Variants in SHISA9 observed in about 807,000 individuals in gnomAD.
SHISA9 encodes the protein protein shisa-9.
SHISA9 carries 13 observed loss-of-function variants against 38.0 expected under a neutral mutation model. The observed-to-expected ratio is 0.34, with a 90% CI of 0.22 to 0.54. The LOEUF (loss-of-function observed/expected upper bound fraction) is 0.54. Among genes scored for constraint, SHISA9 ranks in the 20% least tolerant of loss-of-function variants. The pLI is 0.91. For missense variants in SHISA9, 538 were observed against 575.8 expected, an observed-to-expected ratio of 0.93 and a Z score of 0.67; for synonymous variants, 275 against 242.0, an observed-to-expected ratio of 1.14 and a Z score of -1.27.
chr16:13,150,611 A>G (rs1596684093), intron 2 of SHISA9, among the ~76,000 whole-genome samples: 1 of 152,216 alleles, frequency 6.6e-6, no homozygotes, highest in Non-Finnish European at 1.5e-5. Flanking sequence ...GTTGAGATGC[A>G]GAATTTCAGC....
At chr16:13,011,168 C>G (rs559522121) in intron 2 of SHISA9, among the ~76,000 whole-genome samples, 2 of 152,272 alleles carry the variant, frequency 1.3e-5, no homozygotes, top group South Asian at 2.1e-4. Context: ...TGATTTTAGA[C>G]AGTGAACCTT....
chr16:13,470,651 G>C, the SHISA9 span, among the ~76,000 whole-genome samples: 2 of 152,248 alleles, frequency 1.3e-5, no homozygotes, highest in East Asian at 1.9e-4. Flanking sequence ...GGCACATGGG[G>C]ATTGTTACAA....
chr16:13,520,603 CAAAAAAAAA>C, the SHISA9 span, among the ~76,000 whole-genome samples: 78 of 56,236 alleles, frequency 1.4e-3, no homozygotes, highest in African/African-American at 5.7e-3. Context: ...AACTCTGTCT[CAAAAAAAAA>C]AAAAAAAAAA....
chr16:13,249,544 G>A, the SHISA9 span, among the ~76,000 whole-genome samples: 1 of 152,162 alleles, frequency 6.6e-6, no homozygotes, highest in Non-Finnish European at 1.5e-5. Flanking sequence ...TCAGGCACAG[G>A]TCCTGCCTTC....
the SHISA9 span, among the ~76,000 whole-genome samples, chr16:13,277,761 A>G: frequency 6.6e-6 from 1 of 152,010 alleles, no homozygotes; most frequent in Admixed American, 6.6e-5. Context: ...AGATTTGTGT[A>G]CATTAATCTC....
At chr16:12,946,304 G>C (rs1281319192) in intron 2 of SHISA9, among the ~76,000 whole-genome samples, 2 of 152,140 alleles carry the variant, frequency 1.3e-5, no homozygotes, top group East Asian at 1.9e-4. Flanking sequence ...TTTTTGCTTA[G>C]GATTTTCTTG....
chr16:13,377,337 T>G, the SHISA9 span, among the ~76,000 whole-genome samples: 12 of 152,208 alleles, frequency 7.9e-5, no homozygotes, highest in African/African-American at 2.9e-4. Flanking sequence ...GCTGCCCAGG[T>G]GCTGGTAAAT....
chr16:13,111,706 A>C (rs1168085962), intron 2 of SHISA9, among the ~76,000 whole-genome samples: 1 of 152,218 alleles, frequency 6.6e-6, no homozygotes, highest in Non-Finnish European at 1.5e-5. Flanking sequence ...ACCCTATTCC[A>C]GGTAACCTCA....
chr16:13,554,219 A>G, the SHISA9 span, among the ~76,000 whole-genome samples: 6 of 150,660 alleles, frequency 4.0e-5, no homozygotes, highest in Admixed American at 6.7e-5. Context: ...CAAGCTACAT[A>G]CTCCAGGAAG....
At chr16:13,383,428 A>G in the SHISA9 span, among the ~76,000 whole-genome samples, 8 of 152,208 alleles carry the variant, frequency 5.3e-5, no homozygotes, top group African/African-American at 1.4e-4. Flanking sequence ...TGGGGGAAGA[A>G]TAGTATTCTG....
At chr16:13,552,519 T>C in the SHISA9 span, among the ~76,000 whole-genome samples, 477 of 152,004 alleles carry the variant, frequency 3.1e-3, 4 homozygotes, top group African/African-American at 0.011. Context: ...TTTGTTACCT[T>C]AGCTGATTTC....
intron 2 of SHISA9, among the ~76,000 whole-genome samples, chr16:13,006,409 A>G (rs1321123208): frequency 6.6e-6 from 1 of 152,148 alleles, no homozygotes; most frequent in African/African-American, 2.4e-5. Context: ...CTGTGACAGT[A>G]TTTATCAAGC....
At chr16:13,016,285 C>G (rs1264559394) in intron 2 of SHISA9, among the ~76,000 whole-genome samples, 2 of 152,138 alleles carry the variant, frequency 1.3e-5, no homozygotes, top group African/African-American at 4.8e-5. Context: ...AAATTAATTT[C>G]TTTAGCTTCT....
At chr16:13,111,816 G>T (rs980972011) in intron 2 of SHISA9, among the ~76,000 whole-genome samples, 1 of 152,180 alleles carries the variant, frequency 6.6e-6, no homozygotes, top group Non-Finnish European at 1.5e-5. Context: ...GTGTTTAAAG[G>T]AGGGTAGGAG....
chr16:13,384,417 C>T, the SHISA9 span, among the ~76,000 whole-genome samples: 5 of 152,276 alleles, frequency 3.3e-5, no homozygotes, highest in South Asian at 2.1e-4. Flanking sequence ...CTTTTGTTAC[C>T]TTGAGGACTT....
At chr16:13,092,099 C>G (rs1352306402) in intron 2 of SHISA9, among the ~76,000 whole-genome samples, 1 of 152,218 alleles carries the variant, frequency 6.6e-6, no homozygotes, top group African/African-American at 2.4e-5. Context: ...GAATTCCACT[C>G]CAGACCCTGT....
Position 13,018,454 on chromosome 16 carries a change from GC to G in SHISA9, c.691+101642del, listed in dbSNP as rs199884718. ...CTGTCTACCCCACCTGCTAGCATTT[GC>G]CCAGCACCCAAATCCTCCACCTCAT... is the stretch of plus-strand genomic sequence containing the variant. On this transcript the variant is annotated intron_variant, in intron 2 of 4. Coordinates refer to ENST00000558583, the MANE Select transcript of SHISA9 (RefSeq NM_001145204.3). 6.5e-3 allele frequency among the ~76,000 whole-genome samples: 996 copies of G among 152,254 alleles called. 7 individuals are homozygous for G. Among genetic ancestry groups the G allele is most frequent in the Middle Eastern group, 0.02 (6 of 294 alleles).
intron 3 of SHISA9, among the ~76,000 whole-genome samples, chr16:13,211,482 A>G (rs997310582): frequency 6.6e-6 from 1 of 152,158 alleles, no homozygotes; most frequent in African/African-American, 2.4e-5. Context: ...GGTTATCCAC[A>G]TCCCAATAAA....
chr16:12,926,565 G>A (rs1370008682), intron 2 of SHISA9, among the ~76,000 whole-genome samples: 1 of 152,178 alleles, frequency 6.6e-6, no homozygotes, highest in African/African-American at 2.4e-5. Context: ...TACAGTGGGA[G>A]AAATGGAAAA....
Sources: allele counts gnomAD v4.1 joint callset (sites outside exome capture counted in the v4.1 genomes callset), GRCh38; gene constraint gnomAD v4.1.1; transcripts MANE v1.5; gene names NCBI Gene and HGNC (gene_info 2026-07-23, HGNC 2026-07-21).